Variants in UGT2B11 observed in about 807,000 individuals in gnomAD.
UGT2B11 encodes UDP-glucuronosyltransferase 2B11.
Under a neutral mutation model 51.7 loss-of-function variants are expected in UGT2B11, and 49 were observed. The observed-to-expected ratio is 0.95, with a 90% CI of 0.75 to 1.20. UGT2B11 has a LOEUF of 1.20. Ranked by LOEUF, UGT2B11 falls within the 50% of genes most tolerant of loss-of-function variation. The pLI is 0.00. For missense variants in UGT2B11, 810 were observed against 622.1 expected (o/e 1.30, Z -3.21); for synonymous variants, 273 against 209.0 (o/e 1.31, Z -2.64).
chr4:69,221,582 G>A, the UGT2B11 span, among the ~76,000 whole-genome samples: 3 of 152,252 alleles, frequency 2.0e-5, no homozygotes, highest in African/African-American at 7.2e-5. Flanking sequence ...TCCCTAATAA[G>A]GGTGTGGGAC....
Position 69,208,483 on chromosome 4 carries a change from C to T in UGT2B11, c.871-1G>A, listed in dbSNP as rs1351703770. 4 of 1,604,054 alleles carry T rather than the reference C, an allele frequency of 2.5e-6. No homozygotes were observed. The highest frequency in any genetic ancestry group is 1.4e-5 in the African/African-American group (1 of 73,828). ...AGCTCTGTACAAACTCCTCCATTTCCTGTGAAAAAAAAATTGTTTCATCAC... is the reference window on the plus strand; with the variant it reads ...AGCTCTGTACAAACTCCTCCATTTCTTGTGAAAAAAAAATTGTTTCATCAC... On this transcript the variant is annotated splice_acceptor_variant, in intron 2 of 5. Coordinates refer to ENST00000446444, the MANE Select transcript of UGT2B11 (RefSeq NM_001073.3). LOFTEE classifies it high-confidence loss of function.
At chr4:69,203,690 A>C (rs1381675611) in intron 5 of UGT2B11, among the ~76,000 whole-genome samples, 1 of 151,776 alleles carries the variant, frequency 6.6e-6, no homozygotes, top group African/African-American at 2.4e-5. Flanking sequence ...AATATGAAGT[A>C]AAATAAAAAC....
At chr4:69,208,899 T>C (rs13113479) in intron 2 of UGT2B11, among the ~76,000 whole-genome samples, 8 of 145,646 alleles carry the variant, frequency 5.5e-5, no homozygotes, top group African/African-American at 2.0e-4. Context: ...ATTTCAGGCA[T>C]GTTTTCTGTA....
chr4:69,212,668 G>A lies in UGT2B11; in HGVS notation c.775C>T (p.Arg259Ter), dbSNP rs1177967964. ...GGAAATTGAAAACTCCAGGAGTTTC[G>A]CATAAGCCATATGTCAGCTTTTCCC... ...TMGKADIWLM[R>*]NSWSFQFPHP... Residue 259 changes from arginine to a stop codon, truncating the protein, a stop_gained, in exon 2 of 6, where the codon CGA (arginine) becomes TGA (stop). Coordinates refer to ENST00000446444, the MANE Select transcript of UGT2B11 (RefSeq NM_001073.3). LOFTEE classifies it high-confidence loss of function. 27 of 1,610,018 alleles carry A rather than the reference G, an allele frequency of 1.7e-5. No individual in the cohort carries two copies. Among genetic ancestry groups the A allele is most frequent in the East Asian group, 4.5e-5 (2 of 44,714 alleles).
At chr4:69,209,931 A>G (rs1721996413) in intron 2 of UGT2B11, among the ~76,000 whole-genome samples, 1 of 151,634 alleles carries the variant, frequency 6.6e-6, no homozygotes, top group Non-Finnish European at 1.5e-5. Context: ...AAGTATGAAA[A>G]GTTTTTTAAA....
chr4:69,212,558 C>A lies in UGT2B11; in HGVS notation c.870+15G>T. 4 of 1,597,822 alleles carry A rather than the reference C, an allele frequency of 2.5e-6. No homozygotes were observed. On this transcript the variant is annotated intron_variant, in intron 2 of 5. Coordinates refer to ENST00000446444, the MANE Select transcript of UGT2B11 (RefSeq NM_001073.3). ...TTCGAAGCCAACAAAATAAAACCAA[C>A]AAAAGTATGTTTACCTTAGGTAGGG...
At chr4:69,210,936 A>T (rs1260605245) in intron 2 of UGT2B11, 4 of 151,680 alleles carry the variant, frequency 2.6e-5, no homozygotes, top group African/African-American at 7.2e-5. Flanking sequence ...CTTCAAAAAG[A>T]ATATAATCTT....
In UGT2B11 at chr4:69,208,417, C is replaced by G. The variant is rs1362140658; in HGVS notation, c.936G>C (p.Val312=). 3.1e-6 allele frequency: 5 copies of G among 1,610,400 alleles called. No individual in the cohort carries two copies. Among genetic ancestry groups the G allele is most frequent in the East Asian group, 4.5e-5 (2 of 44,770 alleles). The change falls in exon 3 of 6, where the codon GTG becomes GTC. Residue 312 remains valine (V), a synonymous_variant. Coordinates refer to ENST00000446444, the MANE Select transcript of UGT2B11 (RefSeq NM_001073.3). ...NGVVVFSLGS[V]ISNMTAERAN... ...CCCTTTCTGCTGTCATGTTACTTAT[C>G]ACTGACCCCAGAGAAAACACCACAA...
chr4:69,217,786 A>G (rs1334099079), upstream of UGT2B11, among the ~76,000 whole-genome samples: 1 of 152,016 alleles, frequency 6.6e-6, no homozygotes, highest in Non-Finnish European at 1.5e-5. Flanking sequence ...AATACCATAC[A>G]TTGCCTAGCA....
upstream of UGT2B11, among the ~76,000 whole-genome samples, chr4:69,217,153 G>T (rs1273069464): frequency 6.6e-6 from 1 of 151,940 alleles, no homozygotes; most frequent in South Asian, 2.1e-4. Flanking sequence ...CATTCCTTAT[G>T]TTTCTCACTC....
intron 3 of UGT2B11, among the ~76,000 whole-genome samples, chr4:69,205,973 A>T (rs1395987428): frequency 6.6e-6 from 1 of 151,678 alleles, no homozygotes; most frequent in Non-Finnish European, 1.5e-5. Context: ...TTCAAAAAAT[A>T]TCATGATGTT....
intron 5 of UGT2B11, among the ~76,000 whole-genome samples, chr4:69,201,950 C>T (rs1465616834): frequency 6.6e-6 from 1 of 151,790 alleles, no homozygotes; most frequent in Non-Finnish European, 1.5e-5. Context: ...TCACAACCTG[C>T]CTACAATAAT....
intron 3 of UGT2B11, among the ~76,000 whole-genome samples, chr4:69,206,699 G>A (rs1721871180): frequency 6.6e-6 from 1 of 151,346 alleles, no homozygotes; most frequent in Non-Finnish European, 1.5e-5. Flanking sequence ...AAATTATATG[G>A]AGTGATTGTA....
chr4:69,213,657 C>G (rs1242066300), intron 1 of UGT2B11, among the ~76,000 whole-genome samples: 1 of 151,818 alleles, frequency 6.6e-6, no homozygotes, highest in Non-Finnish European at 1.5e-5. Context: ...CATTCTATAT[C>G]TATGCATTCA....
the UGT2B11 span, among the ~76,000 whole-genome samples, chr4:69,222,395 A>C: frequency 3.3e-5 from 5 of 152,166 alleles, no homozygotes; most frequent in Non-Finnish European, 7.3e-5. Flanking sequence ...AGCATTGAGT[A>C]GTTCACAGGC....
intron 3 of UGT2B11, among the ~76,000 whole-genome samples, chr4:69,206,587 C>T (rs184575437): frequency 3.6e-4 from 52 of 144,434 alleles, no homozygotes; most frequent in African/African-American, 1.2e-3. Context: ...ACAAGTTTAC[C>T]TATGTAAAAA....
At chr4:69,212,453 T>C in intron 2 of UGT2B11, 120 bp downstream of exon 2, 1 of 1,512,394 alleles carries the variant, frequency 6.6e-7, no homozygotes, top group Non-Finnish European at 8.9e-7. Flanking sequence ...GTATCTGCTT[T>C]ACACCACCTA....
upstream of UGT2B11, chr4:69,214,968 G>T: frequency 1.8e-6 from 1 of 557,618 alleles, no homozygotes; most frequent in Non-Finnish European, 2.9e-6. Context: ...GACCTTGCAA[G>T]TACCCTGTTT....
intron 2 of UGT2B11, among the ~76,000 whole-genome samples, chr4:69,209,716 G>A (rs1404265924): frequency 6.6e-6 from 1 of 151,494 alleles, no homozygotes; most frequent in Non-Finnish European, 1.5e-5. Flanking sequence ...TGTTGCGTGT[G>A]ATTGCAGTTA....
Sources: gnomAD v4.1 joint callset for allele counts (sites outside exome capture counted in the v4.1 genomes callset) on GRCh38, gnomAD v4.1.1 for gene constraint, MANE v1.5 for transcripts, NCBI Gene and HGNC (gene_info 2026-07-23, HGNC 2026-07-21) for gene names.